MAP1A: variants seen among roughly 807,000 people sequenced by gnomAD.
The protein encoded by MAP1A is microtubule associated protein 1A.
MAP1A carries 42 observed loss-of-function variants against 185.9 expected under a neutral mutation model. The ratio of observed to expected loss-of-function variants is 0.23; its 90% CI spans 0.18 to 0.29. The LOEUF is 0.29. MAP1A is among the 10% of genes least tolerant of loss of function. The probability of loss-of-function intolerance (pLI) is 1.00; values close to 1 mark genes in which losing one functional copy is unlikely to be tolerated. For synonymous variants in MAP1A, 1,229 were observed against 1,335.9 expected, an observed-to-expected ratio of 0.92 and a Z score of 1.74; for missense variants, 2,995 against 3,450.4, an observed-to-expected ratio of 0.87 and a Z score of 3.31.
At position 43,530,317 on chromosome 15, in the gene MAP1A, C is replaced by CT; in HGVS notation, c.*94dup. ...CCTTTGGGGTTGAGGGAGATGGGAG[C>CT]TAGGGGGAGGGGAGGGAGATGTCTT... is the stretch of plus-strand genomic sequence containing the variant. On this transcript the variant is annotated 3_prime_UTR_variant, in exon 6 of 6. Transcript: ENST00000300231. The CT allele has an allele frequency of 6.7e-7, 1 of 1,497,942 alleles. No individual in the cohort carries two copies. The highest frequency in any genetic ancestry group is 9.1e-7 in the Non-Finnish European group (1 of 1,101,854). 92.8% of individuals were successfully genotyped at this position (1,497,942 alleles called of 1,614,324 possible).
Position 43,530,261 on chromosome 15 carries a change from C to G in MAP1A, c.*37C>G, listed in dbSNP as rs554112864. On this transcript the variant is annotated 3_prime_UTR_variant, in exon 6 of 6. Transcript: ENST00000300231. ...TCCCTTCCCCAAGGATCCACTCCCC[C>G]AGCTCCTTTAGAGAATGGCTACTGC... The G allele has an allele frequency of 1.7e-5, 27 of 1,610,718 alleles. No homozygotes were observed. In the East Asian group the frequency reaches 6.0e-4, roughly 36 times the overall value.
At chr15:43,520,906 A>AGG in intron 2 of MAP1A, 66 bp from the exon 3 acceptor site, 1 of 1,466,374 alleles carries the variant, frequency 6.8e-7, no homozygotes, top group Non-Finnish European at 9.3e-7. Flanking sequence ...TGAGGTACTG[A>AGG]GGGGCCATTC....
Position 43,528,610 on chromosome 15 carries a change from TGAA to T in MAP1A, c.7140_7142del (p.Glu2381del), listed in dbSNP as rs1566979333. 1.2e-6 allele frequency: 2 copies of T among 1,613,926 alleles called. No individual in the cohort carries two copies. The highest frequency in any genetic ancestry group is 1.1e-5 in the South Asian group (1 of 91,080). On this transcript the variant is annotated inframe_deletion, in exon 4 of 6. Transcript: ENST00000300231. ...GCCCTGCCCCAGCCAAGGCTGAAAA[TGAA>T]GAGGCTGCGGCTTGCCCTGCCTGGG...
At chr15:43,514,526 C>T (rs2140200989), upstream of MAP1A, among the ~76,000 whole-genome samples, 1 of 152,360 alleles carries the variant, frequency 6.6e-6, no homozygotes, top group South Asian at 2.1e-4. Context: ...TATCACCTAT[C>T]CTCAAGCCCT....
At position 43,526,110 on chromosome 15, in the gene MAP1A, A is replaced by G. The variant is rs1314602955; in HGVS notation, c.4637A>G (p.Lys1546Arg). The stretch of plus-strand genomic sequence containing the variant: ...GAACAAAAGGATAAAGTCTCAGAAA[A>G]GAAGGATCAGGCCTTAGAACAAAAA... ...AQEQKDKVSEKKDQALEQKYW... is the reference protein window; with the variant it reads ...AQEQKDKVSERKDQALEQKYW... The change falls in exon 4 of 6, where the codon AAG becomes AGG. Residue 1546 changes from lysine (K) to arginine (R), a missense_variant. Lys to Arg is a conservative substitution (Grantham distance 26, BLOSUM62 2). Around this residue, in one of 3 missense-constraint regions of MAP1A, gnomAD observed 2,728 missense variants for 2,986.0 expected, o/e 0.91. Transcript: ENST00000300231. This position sits in a 1 kb window ranked among gnomAD's most constrained non-coding sequence, Gnocchi z 4.7. The G allele has an allele frequency of 6.2e-7, 1 of 1,614,020 alleles. No homozygotes were observed. Among genetic ancestry groups the G allele is most frequent in the Non-Finnish European group, 8.5e-7 (1 of 1,180,054 alleles).
At position 43,512,189 on chromosome 15, in the gene MAP1A, G is replaced by T; in HGVS notation, c.239-1G>T. 1 of 1,534,326 alleles carries T rather than the reference G, an allele frequency of 6.5e-7. No homozygotes were observed. Among genetic ancestry groups the T allele is most frequent in the South Asian group, 1.2e-5 (1 of 83,666 alleles). On this transcript the variant is annotated splice_acceptor_variant, in intron 1 of 6. Transcript: ENST00000382031. LOFTEE classifies it high-confidence loss of function. ...GAACCTTCTTTGTTTTTCTCCCACA[G>T]GGATTCTCTCCTGGAACATTGACCT...
rs1006418636 is a variant in MAP1A, at chr15:43,525,727, A to T, written c.4254A>T (p.Lys1418Asn). Residue 1418 changes from lysine to asparagine, a missense_variant, in exon 4 of 6, where the codon AAA (lysine) becomes AAT (asparagine). This residue lies in a region of MAP1A where 2,728 missense variants were observed against 2,986.0 expected (regional missense o/e 0.91). Transcript: ENST00000300231. The stretch of plus-strand genomic sequence containing the variant: ...AAAAGGGCAGAGACTTAGAGCAAAA[A>T]GACACAGCCCTAGAACAGAAGGACA... ...LEQKGRDLEQ[K>N]DTALEQKDKA... 2 of 1,614,124 alleles carry T rather than the reference A, an allele frequency of 1.2e-6. No individual in the cohort carries two copies. The highest frequency in any genetic ancestry group is 2.7e-5 in the African/African-American group (2 of 74,940).
At position 43,521,605 on chromosome 15, in the gene MAP1A, A is replaced by G. The variant is rs202008372; in HGVS notation, c.132A>G (p.Pro44=). Residue 44 remains proline (P), a synonymous_variant, in exon 4 of 6, where the codon CCA becomes CCG. Transcript: ENST00000300231. This position sits in a 1 kb window ranked among gnomAD's most constrained non-coding sequence, Gnocchi z 4.6. ...KLSKPCCYIF[P]GGRGDSALFA... ...CCAAGCCTTGTTGCTACATCTTCCC[A>G]GGTGGTCGTGGGGACTCTGCCCTCT... 1 of 1,614,086 alleles carries G rather than the reference A, an allele frequency of 6.2e-7. No homozygotes were observed. The highest frequency in any genetic ancestry group is 8.5e-7 in the Non-Finnish European group (1 of 1,180,012).
intron 1 of MAP1A, chr15:43,511,333 C>T (rs1029419396): frequency 1.2e-5 from 10 of 849,548 alleles, no homozygotes; most frequent in Non-Finnish European, 1.7e-5. Flanking sequence ...CTAGTGTGCA[C>T]TTCCTGAGAT....
rs140262137 is a variant in MAP1A, at chr15:43,524,154, C to G, written c.2681C>G (p.Thr894Ser). ...QGLDYVPSAG[T>S]ISPTSSLEED... Reference sequence around the variant, plus strand: ...TTGGACTATGTGCCATCAGCTGGTACCATCTCACCCACCTCCTCACTGGAA... The same window carrying G: ...TTGGACTATGTGCCATCAGCTGGTAGCATCTCACCCACCTCCTCACTGGAA... The change falls in exon 4 of 6, where the codon ACC (threonine) becomes AGC (serine). Residue 894 changes from threonine (T) to serine (S), a missense_variant. Coordinates refer to ENST00000300231, the MANE Select transcript of MAP1A (RefSeq NM_002373.6). 5 of 1,614,166 alleles carry G rather than the reference C, an allele frequency of 3.1e-6. No homozygotes were observed. The East Asian group carries it at 1.1e-4, about 36-fold the overall frequency.
chr15:43,526,771 GC>G lies in MAP1A; in HGVS notation c.5299del (p.Leu1767Ter). ...DFQESSPQKG[L>X]EVERWLAESP... ...TCCAGGAATCCTCACCACAGAAGGG[GC>G]TAGAGGTGGAGCGCTGGCTTGCTGA... On this transcript the variant is annotated frameshift_variant, in exon 4 of 6. Coordinates refer to ENST00000300231, the MANE Select transcript of MAP1A (RefSeq NM_002373.6). LOFTEE classifies it high-confidence loss of function. The surrounding 1 kb of genome is among the most constrained non-coding windows in gnomAD (Gnocchi z 4.7). 6.2e-7 allele frequency: 1 copy of G among 1,614,166 alleles called. No individual in the cohort carries two copies. The highest frequency in any genetic ancestry group is 8.5e-7 in the Non-Finnish European group (1 of 1,180,028).
chr15:43,531,001 A>G lies in MAP1A; in HGVS notation c.*777A>G. The G allele has an allele frequency of 6.6e-6, 1 of 152,514 alleles. No homozygotes were observed. Among genetic ancestry groups the G allele is most frequent in the Middle Eastern group, 3.4e-3 (1 of 296 alleles). 9.4% of individuals were successfully genotyped at this position (152,514 alleles called of 1,614,324 possible). The stretch of plus-strand genomic sequence containing the variant: ...CCCTGACTCTTTGAAGTTTTTACTC[A>G]CCCCATTTCAATTATCCTGATCCCT... On this transcript the variant is annotated 3_prime_UTR_variant, in exon 6 of 6. Transcript: ENST00000300231.
chr15:43,519,356 T>G (rs1469388548), intron 1 of MAP1A, among the ~76,000 whole-genome samples: 1 of 152,222 alleles, frequency 6.6e-6, no homozygotes, highest in Non-Finnish European at 1.5e-5. Context: ...TCTGCAGCCC[T>G]GTGCTGCCAG....
rs1481140221 is a variant in MAP1A, at chr15:43,518,095, C to T, written c.-375+395C>T. ...TATGGGAATGTGCCTAATAGGAGGG[C>T]CCCTGGGTGTCAGCTGCTGGATTGC... On this transcript the variant is annotated intron_variant, in intron 1 of 5. Transcript: ENST00000300231. Among the ~76,000 whole-genome samples the T allele has an allele frequency of 3.3e-5, 5 of 152,066 alleles. No individual in the cohort carries two copies. The South Asian group carries it at 1.0e-3, about 31-fold the overall frequency.
At position 43,524,541 on chromosome 15, in the gene MAP1A, A is replaced by C. The variant is rs1195159778; in HGVS notation, c.3068A>C (p.Asp1023Ala). 6.2e-7 allele frequency: 1 copy of C among 1,614,046 alleles called. No homozygotes were observed. The highest frequency in any genetic ancestry group is 1.1e-5 in the South Asian group (1 of 91,076). The part of the protein sequence containing the change: ...SPVEEKSEPQ[D>A]FQEADSWGDT... ...GTGGAAGAAAAGTCTGAGCCCCAAGACTTTCAGGAGGCAGACTCCTGGGGA... is the reference window on the plus strand; with the variant it reads ...GTGGAAGAAAAGTCTGAGCCCCAAGCCTTTCAGGAGGCAGACTCCTGGGGA... The change falls in exon 4 of 6, where the codon GAC (aspartate) becomes GCC (alanine). Residue 1023 changes from aspartate to alanine, a missense_variant. Transcript: ENST00000300231.
chr15:43,522,391 C>G lies in MAP1A; in HGVS notation c.918C>G (p.Thr306=). 1 of 1,614,148 alleles carries G rather than the reference C, an allele frequency of 6.2e-7. No homozygotes were observed. Among genetic ancestry groups the G allele is most frequent in the Non-Finnish European group, 8.5e-7 (1 of 1,180,032 alleles). ...QKDLASGAVP[T]NLKPSKIKQR... Reference sequence around the variant, plus strand: ...ACCTGGCTTCTGGGGCTGTGCCTACCAACCTCAAGCCCAGCAAAATCAAAC... The same window carrying G: ...ACCTGGCTTCTGGGGCTGTGCCTACGAACCTCAAGCCCAGCAAAATCAAAC... The change falls in exon 4 of 6, where the codon ACC becomes ACG. Residue 306 remains threonine, a synonymous_variant. Transcript: ENST00000300231. The surrounding 1 kb of genome is among the most constrained non-coding windows in gnomAD (Gnocchi z 5.9).
chr15:43,528,350 A>G lies in MAP1A; in HGVS notation c.6877A>G (p.Met2293Val). The part of the protein sequence containing the change: ...EQESGELDPG[M>V]EPAAHSLWDL... ...GGAGTCTGGAGAGCTGGACCCAGGA[A>G]TGGAACCAGCTGCCCACAGCCTCTG... The change falls in exon 4 of 6, where the codon ATG becomes GTG. Residue 2293 changes from methionine to valine, a missense_variant. Around this residue, in one of 3 missense-constraint regions of MAP1A, gnomAD observed 2,728 missense variants for 2,986.0 expected, o/e 0.91. Transcript: ENST00000300231. 1 of 1,614,054 alleles carries G rather than the reference A, an allele frequency of 6.2e-7. No homozygotes were observed. The highest frequency in any genetic ancestry group is 8.5e-7 in the Non-Finnish European group (1 of 1,180,016).
intron 1 of MAP1A, among the ~76,000 whole-genome samples, chr15:43,518,275 C>A (rs2079305736): frequency 6.6e-6 from 1 of 152,056 alleles, no homozygotes; most frequent in African/African-American, 2.4e-5. Context: ...CTCCCCCACC[C>A]TATTCCCTGC....
chr15:43,524,440 C>T lies in MAP1A; in HGVS notation c.2967C>T (p.Asp989=). ...AGGAGCGGTGCCTTAGCCCAGATGA[C>T]AGCACAGTGAAGATGGCTTCTCCTC... is the stretch of plus-strand genomic sequence containing the variant. ...EAEERCLSPD[D]STVKMASPPP... The change falls in exon 4 of 6, where the codon GAC becomes GAT. Residue 989 remains aspartate (D), a synonymous_variant. Coordinates refer to ENST00000300231, the MANE Select transcript of MAP1A (RefSeq NM_002373.6). 1.2e-6 allele frequency: 2 copies of T among 1,614,196 alleles called. No individual in the cohort carries two copies. Among genetic ancestry groups the T allele is most frequent in the South Asian group, 1.1e-5 (1 of 91,088 alleles).
Sources: allele counts gnomAD v4.1 joint callset (sites outside exome capture counted in the v4.1 genomes callset), GRCh38; gene constraint gnomAD v4.1.1; regional missense constraint gnomAD v4.1.1; non-coding constraint Gnocchi (gnomAD v3.1); transcripts MANE v1.5; gene names NCBI Gene and HGNC (gene_info 2026-07-23, HGNC 2026-07-21).